Variants in CYRIB observed in about 807,000 individuals in gnomAD.
CYRIB encodes the protein CYFIP-related Rac1 interactor B.
Under a neutral mutation model 44.2 loss-of-function variants are expected in CYRIB, and 8 were observed. The ratio of observed to expected loss-of-function variants is 0.18; its 90% CI spans 0.11 to 0.33. The LOEUF is 0.33. Ranked by LOEUF, CYRIB falls within the 10% of genes least tolerant of loss-of-function variation. The pLI is 1.00. For missense variants in CYRIB, 185 were observed against 382.8 expected (o/e 0.48, Z 4.31); for synonymous variants, 131 against 127.2 (o/e 1.03, Z -0.20).
chr8:129,895,111 G>A (rs1192066931), intron 2 of CYRIB, among the ~76,000 whole-genome samples: 2 of 136,232 alleles, frequency 1.5e-5, no homozygotes, highest in East Asian at 2.2e-4. Flanking sequence ...GTGTGTCGGC[G>A]GGGTTGGGGT....
intron 1 of CYRIB, among the ~76,000 whole-genome samples, chr8:130,007,502 T>C (rs1326162086): frequency 6.6e-6 from 1 of 152,220 alleles, no homozygotes; most frequent in African/African-American, 2.4e-5. Context: ...GTATATGACA[T>C]GGCTGGGCGC....
upstream of CYRIB, chr8:130,016,563 A>T (rs2097353436): frequency 1.3e-5 from 2 of 152,950 alleles, no homozygotes; most frequent in African/African-American, 2.4e-5. Flanking sequence ...AAATAACTAT[A>T]AAAGGAAGAG....
intron 1 of CYRIB, among the ~76,000 whole-genome samples, chr8:129,987,760 T>C (rs1003870124): frequency 5.9e-5 from 9 of 151,906 alleles, no homozygotes; most frequent in Non-Finnish European, 1.3e-4. Flanking sequence ...TGAGAAGAGA[T>C]GGGGTTTCAC....
intron 6 of CYRIB, 58 bp from the exon 9 acceptor site, chr8:129,854,401 C>A: frequency 7.8e-7 from 1 of 1,277,552 alleles, no homozygotes; most frequent in Non-Finnish European, 1.1e-6. Flanking sequence ...TGTAAAAAAA[C>A]TAAGTAAAAA....
At chr8:129,995,736 T>TAC (rs555996909) in intron 1 of CYRIB, among the ~76,000 whole-genome samples, 1 of 152,108 alleles carries the variant, frequency 6.6e-6, no homozygotes, top group African/African-American at 2.4e-5. Flanking sequence ...CACACACACA[T>TAC]ACACACACAC....
At chr8:129,998,193 T>C (rs2096826222) in intron 1 of CYRIB, among the ~76,000 whole-genome samples, 1 of 150,256 alleles carries the variant, frequency 6.7e-6, no homozygotes, top group South Asian at 2.1e-4. Context: ...TGTCAGCTCA[T>C]CGCAGGACCT....
chr8:129,956,724 C>A (rs2131541177), intron 2 of CYRIB, among the ~76,000 whole-genome samples: 1 of 152,264 alleles, frequency 6.6e-6, no homozygotes, highest in East Asian at 1.9e-4. Flanking sequence ...CCCTGTTTTT[C>A]TGGTCTTTAC....
At chr8:129,933,366 C>A (rs1028475545) in intron 1 of CYRIB, among the ~76,000 whole-genome samples, 17 of 152,058 alleles carry the variant, frequency 1.1e-4, no homozygotes, top group African/African-American at 3.6e-4. Flanking sequence ...GAGGTTTGCC[C>A]AGAGAAGTTC....
At chr8:129,879,531 TTTAC>T (rs1288904465) in intron 2 of CYRIB, 60 bp from the exon 5 acceptor site, 11 of 1,249,272 alleles carry the variant, frequency 8.8e-6, no homozygotes, top group Non-Finnish European at 1.1e-5. Context: ...ACATCTGAAG[TTTAC>T]TTAAAGAAAA....
At chr8:129,883,312 A>T (rs1242925932) in intron 2 of CYRIB, among the ~76,000 whole-genome samples, 1 of 151,806 alleles carries the variant, frequency 6.6e-6, no homozygotes, top group Admixed American at 6.6e-5. Context: ...AAGCTGTGAC[A>T]ATCAAAAATG....
intron 2 of CYRIB, among the ~76,000 whole-genome samples, chr8:129,945,158 G>T (rs982850769): frequency 6.6e-6 from 1 of 152,222 alleles, no homozygotes; most frequent in Non-Finnish European, 1.5e-5. Flanking sequence ...AAAAAATGCG[G>T]AACTATGGAA....
At chr8:130,004,501 C>CT (rs2096988167) in intron 1 of CYRIB, 1 of 151,940 alleles carries the variant, frequency 6.6e-6, no homozygotes, top group Non-Finnish European at 1.5e-5. Context: ...TGTATTTTGC[C>CT]TATTGTATTT....
intron 1 of CYRIB, among the ~76,000 whole-genome samples, chr8:129,980,824 A>G (rs960348143): frequency 6.6e-6 from 1 of 151,740 alleles, no homozygotes; most frequent in Non-Finnish European, 1.5e-5. Flanking sequence ...TCCACCAAAA[A>G]TACAAAAAAA....
chr8:129,889,174 G>A (rs1310945650), intron 2 of CYRIB, among the ~76,000 whole-genome samples: 2 of 152,088 alleles, frequency 1.3e-5, no homozygotes, highest in African/African-American at 2.4e-5. Flanking sequence ...GTACAACAAA[G>A]CCTAGATGAC....
At chr8:129,987,568 C>CT (rs34876735) in intron 1 of CYRIB, among the ~76,000 whole-genome samples, 1,364 of 127,002 alleles carry the variant, frequency 0.011, 11 homozygotes, top group African/African-American at 0.014. Flanking sequence ...TTTTTTTTTT[C>CT]TTTTTTTTTT....
At chr8:129,852,197 T>C in exon 8 of CYRIB, 1 of 1,562,876 alleles carries the variant, frequency 6.4e-7, no homozygotes, top group Non-Finnish European at 8.7e-7. Context: ...TCACTCAAGG[T>C]TTTCAGCATT....
intron 10 of CYRIB, 78 bp downstream of exon 12, chr8:129,849,165 G>A: frequency 7.3e-7 from 1 of 1,378,048 alleles, no homozygotes; most frequent in Non-Finnish European, 9.8e-7. Context: ...CGGTTTGCTG[G>A]CTCTTATCAT....
chr8:129,917,026 A>G (rs2081115523), intron 1 of CYRIB, among the ~76,000 whole-genome samples: 1 of 152,234 alleles, frequency 6.6e-6, no homozygotes, highest in South Asian at 2.1e-4. Flanking sequence ...CAAGCATTAA[A>G]TAAGATTCAA....
intron 1 of CYRIB, among the ~76,000 whole-genome samples, chr8:129,973,957 T>G (rs1161317014): frequency 6.6e-6 from 1 of 152,176 alleles, no homozygotes; most frequent in Admixed American, 6.5e-5. Context: ...TTAAGCTACC[T>G]GAGGGCTCAT....
Sources: allele counts gnomAD v4.1 joint callset (sites outside exome capture counted in the v4.1 genomes callset), GRCh38; gene constraint gnomAD v4.1.1; transcripts MANE v1.5; gene names NCBI Gene and HGNC (gene_info 2026-07-23, HGNC 2026-07-21).